Variants in SBK1 observed in about 807,000 individuals in gnomAD.
The protein encoded by SBK1 is SH3 domain binding kinase 1.
Under a neutral mutation model 24.4 loss-of-function variants are expected in SBK1, and 11 were observed. That is an observed-to-expected ratio of 0.45 (90% confidence interval 0.28 to 0.75). The LOEUF (loss-of-function observed/expected upper bound fraction) is 0.75, where lower values mean the gene tolerates loss of function less well. SBK1 is among the 30% of genes least tolerant of loss of function. SBK1 has a pLI of 0.12. For missense variants in SBK1, 467 were observed against 620.5 expected (o/e 0.75, Z 2.63); for synonymous variants, 308 against 284.4 (o/e 1.08, Z -0.83).
At chr16:28,272,644 C>T (rs1251595611) in intron 1 of SBK1, among the ~76,000 whole-genome samples, 26 of 93,280 alleles carry the variant, frequency 2.8e-4, no homozygotes, top group African/African-American at 9.9e-4. Context: ...TTTTTTGAGA[C>T]GGAGTCTCAC....
upstream of SBK1, chr16:28,291,882 A>C (rs1415287854): frequency 2.0e-5 from 3 of 152,242 alleles, no homozygotes; most frequent in Non-Finnish European, 4.4e-5. Flanking sequence ...CCTCAGTTGG[A>C]TAGGGCAACC....
At position 28,320,946 on chromosome 16, in the gene SBK1, G is replaced by A. The variant is rs769677672; in HGVS notation, c.*25G>A. 2 of 1,396,418 alleles carry A rather than the reference G, an allele frequency of 1.4e-6. No homozygotes were observed. Among genetic ancestry groups the A allele is most frequent in the Non-Finnish European group, 1.9e-6 (2 of 1,076,892 alleles). 86.5% of individuals were successfully genotyped at this position (1,396,418 alleles called of 1,614,324 possible). A position where few individuals can be genotyped will look rare whatever the true frequency, so the allele number is the denominator to read the frequency against. On this transcript the variant is annotated 3_prime_UTR_variant, in exon 4 of 4. Coordinates refer to ENST00000341901, the MANE Select transcript of SBK1 (RefSeq NM_001024401.3). This position sits in a 1 kb window ranked among gnomAD's most constrained non-coding sequence, Gnocchi z 8.5. ...AGTCGCCTCCGCCGCCCTCGGACCC[G>A]GGAGCAGCCCGGGCCCGCCCCGAGC...
At chr16:28,260,193 T>C (rs2044389081) in intron 1 of SBK1, among the ~76,000 whole-genome samples, 1 of 152,118 alleles carries the variant, frequency 6.6e-6, no homozygotes, top group Admixed American at 6.6e-5. Context: ...TGAGCCTGTG[T>C]ACATGTTTGT....
intron 1 of SBK1, among the ~76,000 whole-genome samples, chr16:28,279,063 C>T (rs2044512731): frequency 6.6e-6 from 1 of 151,998 alleles, no homozygotes; most frequent in Non-Finnish European, 1.5e-5. Context: ...CGCTCTCTAC[C>T]AGATGTGGTG....
chr16:28,297,689 A>G (rs1163719298), intron 1 of SBK1, among the ~76,000 whole-genome samples: 2 of 152,160 alleles, frequency 1.3e-5, no homozygotes, highest in East Asian at 3.9e-4. Flanking sequence ...AATGGAAGGG[A>G]CCTAGGACAG....
intron 1 of SBK1, among the ~76,000 whole-genome samples, chr16:28,273,308 C>T (rs1187637115): frequency 1.3e-5 from 2 of 151,946 alleles, no homozygotes; most frequent in Admixed American, 1.3e-4. Flanking sequence ...GCAACTTCCG[C>T]CTCCTGGGTT....
chr16:28,317,533 G>T lies in SBK1; in HGVS notation c.142G>T (p.Asp48Tyr), dbSNP rs866142747. 1 of 1,614,228 alleles carries T rather than the reference G, an allele frequency of 6.2e-7. No homozygotes were observed. The highest frequency in any genetic ancestry group is 2.2e-5 in the East Asian group (1 of 44,878). The change falls in exon 2 of 4, where the codon GAC becomes TAC. Residue 48 changes from aspartate to tyrosine, a missense_variant. Physicochemically the swap from Asp to Tyr is radical, Grantham distance 160. This residue lies in a region of SBK1 where 123 missense variants were observed against 158.2 expected (regional missense o/e 0.78). Coordinates refer to ENST00000341901, the MANE Select transcript of SBK1 (RefSeq NM_001024401.3). The surrounding 1 kb of genome is among the most constrained non-coding windows in gnomAD (Gnocchi z 4.2). Reference protein sequence around the residue: ...ALTLRTLAASDVTKHYELVRE... With the variant: ...ALTLRTLAASYVTKHYELVRE... The stretch of plus-strand genomic sequence containing the variant: ...GACTCTCCGCACACTGGCCGCCAGC[G>T]ACGTCACCAAGCACTACGAACTAGT...
chr16:28,309,445 C>T (rs971667743), intron 1 of SBK1, among the ~76,000 whole-genome samples: 1 of 152,180 alleles, frequency 6.6e-6, no homozygotes, highest in Non-Finnish European at 1.5e-5. Context: ...GCGGATCATC[C>T]ACCTCTTGGG....
In SBK1 at chr16:28,317,544, G is replaced by A; in HGVS notation, c.153G>A (p.Lys51=). 2 of 1,614,242 alleles carry A rather than the reference G, an allele frequency of 1.2e-6. No individual in the cohort carries two copies. Among genetic ancestry groups the A allele is most frequent in the Non-Finnish European group, 1.7e-6 (2 of 1,180,044 alleles). ...LRTLAASDVT[K]HYELVRELGK... is the part of the protein sequence containing the mutation. ...CACTGGCCGCCAGCGACGTCACCAA[G>A]CACTACGAACTAGTCCGGGAGCTGG... Residue 51 remains lysine (K), a synonymous_variant, in exon 2 of 4, where the codon AAG becomes AAA. Transcript: ENST00000341901. The surrounding 1 kb of genome is among the most constrained non-coding windows in gnomAD (Gnocchi z 4.2).
upstream of SBK1, chr16:28,292,456 G>C: frequency 1.2e-6 from 1 of 848,606 alleles, no homozygotes; most frequent in Non-Finnish European, 1.4e-6. Context: ...GCGGGCGGCG[G>C]CGCGCGAGCC....
At chr16:28,264,508 A>T (rs1416111254) in intron 1 of SBK1, among the ~76,000 whole-genome samples, 1 of 151,608 alleles carries the variant, frequency 6.6e-6, no homozygotes, top group African/African-American at 2.4e-5. Flanking sequence ...CGGGAGGCGG[A>T]GGTTGCAGAG....
rs2044613925 is a variant in SBK1 at position 28,293,176 on chromosome 16, C to T, written c.-132C>T. The T allele has an allele frequency of 1.0e-6, 1 of 985,576 alleles. No individual in the cohort carries two copies. The highest frequency in any genetic ancestry group is 1.2e-6 in the Non-Finnish European group (1 of 830,010). The allele number at this position is 985,576 out of a possible 1,614,324, so 61.1% of individuals were successfully genotyped here. A position where few individuals can be genotyped will look rare whatever the true frequency, so the allele number is the denominator to read the frequency against. ...AAGCTCCAGGACTTGGGCGACTGAG[C>T]CCCTGGCGGCACCGCTTGCACCCCG... is the stretch of plus-strand genomic sequence containing the variant. On this transcript the variant is annotated 5_prime_UTR_variant, in exon 1 of 4. Transcript: ENST00000341901.
At chr16:28,272,599 TTTTCTTTC>T (rs200394157) in intron 1 of SBK1, among the ~76,000 whole-genome samples, 11 of 145,814 alleles carry the variant, frequency 7.5e-5, no homozygotes, top group African/African-American at 1.1e-4. Context: ...CACATATTTT[TTTTCTTTC>T]TTTCTTTCTT....
chr16:28,291,026 G>A (rs2044595384), upstream of SBK1: 2 of 152,158 alleles, frequency 1.3e-5, no homozygotes, highest in Non-Finnish European at 2.9e-5. Flanking sequence ...CACTTTACAT[G>A]CGACCCCAGT....
chr16:28,299,142 G>A (rs1018717594), intron 1 of SBK1, among the ~76,000 whole-genome samples: 6 of 152,142 alleles, frequency 3.9e-5, no homozygotes, highest in Admixed American at 3.3e-4. Context: ...GATTCAGCTG[G>A]GTGACCTTGG....
At chr16:28,310,517 G>T (rs1009427533) in intron 1 of SBK1, among the ~76,000 whole-genome samples, 1 of 152,166 alleles carries the variant, frequency 6.6e-6, no homozygotes, top group Non-Finnish European at 1.5e-5. Flanking sequence ...CAATACCAAT[G>T]CTAGCTGTGT....
rs1206684989 is a variant in SBK1 at position 28,268,415 on chromosome 16, A to T, written c.257+8913A>T. Among the ~76,000 whole-genome samples the T allele has an allele frequency of 2.7e-5, 4 of 149,786 alleles. No individual in the cohort carries two copies. In the East Asian group the frequency reaches 7.9e-4, roughly 29 times the overall value. On this transcript the variant is annotated intron_variant, in intron 1 of 3. Transcript: ENST00000671413. ...GCACCACCACACCTGGCTAATTTTT[A>T]AAAATGGGTTTTTTTTTTTTTTGTA...
chr16:28,266,452 C>G (rs2044428777), intron 1 of SBK1, among the ~76,000 whole-genome samples: 1 of 152,110 alleles, frequency 6.6e-6, no homozygotes, highest in Non-Finnish European at 1.5e-5. Context: ...GCTTCCATAA[C>G]AAATTGCCAT....
chr16:28,308,117 C>A (rs2044729325), intron 1 of SBK1, among the ~76,000 whole-genome samples: 1 of 152,154 alleles, frequency 6.6e-6, no homozygotes, highest in South Asian at 2.1e-4. Context: ...GGCCACATTC[C>A]AGGGAGGTGG....
Sources: gnomAD v4.1 joint callset for allele counts (sites outside exome capture counted in the v4.1 genomes callset) on GRCh38, gnomAD v4.1.1 for gene constraint, gnomAD v4.1.1 regional missense constraint, Gnocchi (gnomAD v3.1) non-coding constraint, MANE v1.5 for transcripts, NCBI Gene and HGNC (gene_info 2026-07-23, HGNC 2026-07-21) for gene names.